RGS6: variants seen among roughly 807,000 people sequenced by gnomAD.
RGS6 encodes the protein regulator of G protein signaling 6.
Under a neutral mutation model 78.5 loss-of-function variants are expected in RGS6, and 30 were observed. The observed-to-expected ratio is 0.38, with a 90% CI of 0.29 to 0.52. The LOEUF is 0.52. Among genes scored for constraint, RGS6 ranks in the 20% least tolerant of loss-of-function variants. The pLI is 0.85. For synonymous variants in RGS6, 206 were observed against 206.0 expected (o/e 1.00, Z 0.00); for missense variants, 495 against 609.7 (o/e 0.81, Z 1.98).
intron 2 of RGS6, among the ~76,000 whole-genome samples, chr14:72,171,340 G>A (rs2238253): frequency 0.14 from 21,086 of 152,074 alleles, 1,731 homozygotes; most frequent in South Asian, 0.2. Context: ...GCTTTTATTT[G>A]CTGCAAAAAT....
chr14:72,542,422 A>G (rs566843861), intron 17 of RGS6, among the ~76,000 whole-genome samples: 4 of 152,390 alleles, frequency 2.6e-5, no homozygotes, highest in East Asian at 1.9e-4. Flanking sequence ...TCTGACTATC[A>G]TATGCCTAAA....
intron 17 of RGS6, chr14:72,541,043 TACTC>T (rs1420933727): frequency 4.5e-6 from 6 of 1,324,508 alleles, no homozygotes; most frequent in Non-Finnish European, 4.0e-6. Context: ...GCACAAGAAA[TACTC>T]AATCCCGCTC....
chr14:72,409,870 A>G (rs2093270540), intron 3 of RGS6, among the ~76,000 whole-genome samples: 1 of 152,168 alleles, frequency 6.6e-6, no homozygotes, highest in Non-Finnish European at 1.5e-5. Flanking sequence ...AGCTTCATCC[A>G]TGTCCCTACA....
At chr14:71,910,942 G>T in the RGS6 span, among the ~76,000 whole-genome samples, 2 of 152,116 alleles carry the variant, frequency 1.3e-5, no homozygotes, top group Non-Finnish European at 2.9e-5. Flanking sequence ...AGCTCTGTTG[G>T]TATGATTTTA....
chr14:72,276,075 G>T (rs781682096), intron 2 of RGS6, among the ~76,000 whole-genome samples: 3 of 152,140 alleles, frequency 2.0e-5, no homozygotes, highest in Non-Finnish European at 2.9e-5. Context: ...GTGTGCTGCT[G>T]GGTACATGTC....
At chr14:71,973,410 T>G (rs2153084234) in intron 2 of RGS6, among the ~76,000 whole-genome samples, 1 of 151,858 alleles carries the variant, frequency 6.6e-6, no homozygotes, top group East Asian at 1.9e-4. Context: ...CCTGGCCACA[T>G]GCAGTGGCTC....
chr14:72,071,701 G>T (rs956091405), intron 2 of RGS6, among the ~76,000 whole-genome samples: 4 of 152,060 alleles, frequency 2.6e-5, no homozygotes, highest in African/African-American at 9.7e-5. Flanking sequence ...GGTCATTTAG[G>T]TACTTATGCA....
the RGS6 span, among the ~76,000 whole-genome samples, chr14:71,896,406 T>C: frequency 1.1e-4 from 17 of 152,286 alleles, no homozygotes; most frequent in South Asian, 3.5e-3. Flanking sequence ...ATTTGTAATC[T>C]GTCATGGCGC....
chr14:72,196,820 T>C (rs1190454016), intron 2 of RGS6, among the ~76,000 whole-genome samples: 1 of 152,236 alleles, frequency 6.6e-6, no homozygotes. Context: ...CCTATTCTAC[T>C]GTGAAATGAG....
At chr14:72,233,064 T>C (rs1490363879) in intron 2 of RGS6, among the ~76,000 whole-genome samples, 2 of 152,190 alleles carry the variant, frequency 1.3e-5, no homozygotes, top group Non-Finnish European at 2.9e-5. Flanking sequence ...CTGGAATGGC[T>C]TGTAGACCTG....
At position 72,476,829 on chromosome 14, in the gene RGS6, A is replaced by T. The variant is rs143112428; in HGVS notation, c.781A>T (p.Ile261Phe). The change falls in exon 11 of 18, where the codon ATC becomes TTC. Residue 261 changes from isoleucine to phenylalanine, a missense_variant. By Grantham distance (21) the Ile-to-Phe change is conservative. Coordinates refer to ENST00000553525, the MANE Select transcript of RGS6 (RefSeq NM_001204424.2). ...QPIRKTTKEDIRKQITFLNAQ... is the reference protein window; with the variant it reads ...QPIRKTTKEDFRKQITFLNAQ... ...AATCAGGAAAACAACAAAAGAGGACATCCGGAAACAGGTGAATGAATTGAC... is the reference window on the plus strand; with the variant it reads ...AATCAGGAAAACAACAAAAGAGGACTTCCGGAAACAGGTGAATGAATTGAC... 59 of 1,613,914 alleles carry T rather than the reference A, an allele frequency of 3.7e-5. No homozygotes were observed. The highest frequency in any genetic ancestry group is 4.4e-5 in the Non-Finnish European group (52 of 1,179,876).
intron 3 of RGS6, among the ~76,000 whole-genome samples, chr14:72,377,555 A>G (rs1037916503): frequency 6.6e-6 from 1 of 152,228 alleles, no homozygotes; most frequent in African/African-American, 2.4e-5. Flanking sequence ...ATATAAACCT[A>G]ACGACATTTA....
the RGS6 span, among the ~76,000 whole-genome samples, chr14:72,592,924 G>A: frequency 1.3e-5 from 2 of 152,248 alleles, no homozygotes; most frequent in African/African-American, 4.8e-5. Flanking sequence ...AGGGATGCCT[G>A]AGAGTGTCCC....
chr14:72,597,654 T>C, the RGS6 span, among the ~76,000 whole-genome samples: 17 of 152,348 alleles, frequency 1.1e-4, no homozygotes, highest in Non-Finnish European at 2.1e-4. Flanking sequence ...GAAGCTTTGA[T>C]ACCTACGATG....
chr14:72,267,132 G>A lies in RGS6; in HGVS notation c.85-84963G>A, dbSNP rs182954610. Among the ~76,000 whole-genome samples, 463 of 152,232 alleles carry A rather than the reference G, an allele frequency of 3.0e-3. 1 individual carries two copies. The highest frequency in any genetic ancestry group is 0.011 in the African/African-American group (447 of 41,528). ...TTTCTGGCTAATTTTTGTATTTTTA[G>A]TAGAGATGGGGTTTCACCATGTTGG... On this transcript the variant is annotated intron_variant, in intron 2 of 17. Coordinates refer to ENST00000553525, the MANE Select transcript of RGS6 (RefSeq NM_001204424.2).
intron 3 of RGS6, among the ~76,000 whole-genome samples, chr14:72,405,785 G>C (rs2092867516): frequency 6.6e-6 from 1 of 152,152 alleles, no homozygotes; most frequent in Admixed American, 6.5e-5. Flanking sequence ...AAGAATCCCT[G>C]GCAGGGGCCT....
At chr14:72,129,278 G>A (rs181923030) in intron 2 of RGS6, among the ~76,000 whole-genome samples, 154 of 152,332 alleles carry the variant, frequency 1.0e-3, no homozygotes, top group African/African-American at 3.2e-3. Flanking sequence ...ATTCGGCTGA[G>A]AGCTCCCGGA....
chr14:71,993,849 G>A (rs146798534), intron 2 of RGS6, among the ~76,000 whole-genome samples: 4 of 152,110 alleles, frequency 2.6e-5, no homozygotes, highest in East Asian at 1.9e-4. Flanking sequence ...AGAAGAGCAC[G>A]AGGGGGTAGC....
At chr14:72,034,309 C>T (rs1220318479) in intron 2 of RGS6, among the ~76,000 whole-genome samples, 1 of 151,736 alleles carries the variant, frequency 6.6e-6, no homozygotes, top group Non-Finnish European at 1.5e-5. Context: ...GTGGGATTTT[C>T]ATATATGGTC....
Sources: allele counts gnomAD v4.1 joint callset (sites outside exome capture counted in the v4.1 genomes callset), GRCh38; gene constraint gnomAD v4.1.1; transcripts MANE v1.5; gene names NCBI Gene and HGNC (gene_info 2026-07-23, HGNC 2026-07-21).